The following CXADR variants were observed in gnomAD, a reference collection of about 807,000 sequenced individuals.
CXADR encodes the protein CXADR cell adhesion molecule.
In CXADR, 20 loss-of-function variants were observed where a neutral mutation model predicts 40.3. That is an observed-to-expected ratio of 0.50 (90% CI 0.35 to 0.72). The LOEUF (loss-of-function observed/expected upper bound fraction) is 0.72, where lower values mean the gene tolerates loss of function less well. CXADR is among the 30% of genes least tolerant of loss of function. The probability of loss-of-function intolerance (pLI) is 0.01; values close to 1 mark genes in which losing one functional copy is unlikely to be tolerated. For synonymous variants in CXADR, 150 were observed against 161.3 expected (o/e 0.93, Z 0.53); for missense variants, 332 against 449.1 (o/e 0.74, Z 2.36).
At chr21:17,513,557 T>C (rs2060420180) in intron 1 of CXADR, among the ~76,000 whole-genome samples, 1 of 152,240 alleles carries the variant, frequency 6.6e-6, no homozygotes, top group Admixed American at 6.5e-5. Context: ...TCTCCAGCGT[T>C]ACCCGATTTC....
chr21:17,601,266 T>G, the CXADR span, among the ~76,000 whole-genome samples: 2 of 152,224 alleles, frequency 1.3e-5, no homozygotes, highest in African/African-American at 4.8e-5. Context: ...GCAAGTCACT[T>G]AATTTCCCTA....
At chr21:17,561,272 C>A in intron 5 of CXADR, 66 bp from the exon 6 acceptor site, 3 of 895,626 alleles carry the variant, frequency 3.3e-6, no homozygotes, top group South Asian at 2.4e-5. Context: ...AAATGTATAG[C>A]CTACCTTCAG....
the CXADR span, among the ~76,000 whole-genome samples, chr21:17,629,438 G>A: frequency 6.6e-6 from 1 of 150,860 alleles, no homozygotes; most frequent in African/African-American, 2.4e-5. Flanking sequence ...GTTGGTATAT[G>A]CCTGTAGTCC....
chr21:17,619,196 A>G, the CXADR span, among the ~76,000 whole-genome samples: 1 of 152,104 alleles, frequency 6.6e-6, no homozygotes, highest in East Asian at 1.9e-4. Context: ...ACTTCAACTT[A>G]AAGTCACCAG....
the CXADR span, among the ~76,000 whole-genome samples, chr21:17,628,961 T>G: frequency 6.6e-6 from 1 of 152,194 alleles, no homozygotes; most frequent in Non-Finnish European, 1.5e-5. Context: ...ATTTAAATGT[T>G]GATCTCATCC....
Position 17,565,548 on chromosome 21 carries a change from T to C in CXADR, c.954T>C (p.Tyr318=). 6.2e-7 allele frequency: 1 copy of C among 1,613,906 alleles called. No homozygotes were observed. The highest frequency in any genetic ancestry group is 1.1e-5 in the South Asian group (1 of 91,078). ...SNMEGYSKTQ[Y]NQVPSEDFER... ...TGGAAGGATATTCCAAGACTCAGTA[T>C]AACCAAGTACCAAGTGAAGACTTTG... Residue 318 remains tyrosine, a synonymous_variant, in exon 7 of 7, where the codon TAT becomes TAC. Coordinates refer to ENST00000284878, the MANE Select transcript of CXADR (RefSeq NM_001338.5).
chr21:17,560,683 C>A lies in CXADR; in HGVS notation c.572-19C>A, dbSNP rs774473272. 12 of 1,607,126 alleles carry A rather than the reference C, an allele frequency of 7.5e-6. No homozygotes were observed. The highest frequency in any genetic ancestry group is 1.3e-5 in the African/African-American group (1 of 74,662). ...CATACTATAAAAATGAGTTTGTTTT[C>A]TTTTTCCTCCTTCCATAGAAATGAC... On this transcript the variant is annotated intron_variant, in intron 4 of 6. Transcript: ENST00000284878.
At chr21:17,551,282 C>T (rs990712190) in intron 2 of CXADR, among the ~76,000 whole-genome samples, 13 of 152,054 alleles carry the variant, frequency 8.5e-5, no homozygotes, top group South Asian at 6.2e-4. Flanking sequence ...TGCCTGAAGT[C>T]TCAGCTACTG....
the CXADR span, among the ~76,000 whole-genome samples, chr21:17,627,256 T>G: frequency 3.9e-5 from 6 of 152,142 alleles, no homozygotes; most frequent in African/African-American, 1.4e-4. Context: ...CTCAGGAGGC[T>G]GAGGCAAGAG....
chr21:17,529,998 G>T (rs1172527393), intron 1 of CXADR, among the ~76,000 whole-genome samples: 2 of 150,916 alleles, frequency 1.3e-5, no homozygotes, highest in Non-Finnish European at 2.9e-5. Flanking sequence ...GCTCATGCTG[G>T]AGTGTAGTGG....
At chr21:17,572,757 G>GA (rs10715827), downstream of CXADR, among the ~76,000 whole-genome samples, 7 of 145,928 alleles carry the variant, frequency 4.8e-5, no homozygotes, top group Admixed American at 2.7e-4. Flanking sequence ...TAGTGTGGTT[G>GA]AAAAAAAAAA....
chr21:17,610,164 G>T, the CXADR span, among the ~76,000 whole-genome samples: 3 of 152,214 alleles, frequency 2.0e-5, no homozygotes, highest in African/African-American at 4.8e-5. Context: ...GGCCTACGGG[G>T]AAGTGGGAAA....
intron 2 of CXADR, among the ~76,000 whole-genome samples, chr21:17,548,000 A>G (rs976418336): frequency 2.0e-5 from 3 of 152,194 alleles, no homozygotes; most frequent in East Asian, 1.9e-4. Flanking sequence ...TACCTTTTCA[A>G]TGGTTCTAGA....
chr21:17,542,123 T>TCGAACTCCCGACCTTAGGTGATCTGC, intron 1 of CXADR: 1 of 251,214 alleles, frequency 4.0e-6, no homozygotes. Flanking sequence ...TCTACTTTTC[T>TCGAACTCCCGACCTTAGGTGATCTGC]CTAAGGCTTT....
chr21:17,573,654 ATC>A (rs1332200227), downstream of CXADR, among the ~76,000 whole-genome samples: 2 of 152,206 alleles, frequency 1.3e-5, no homozygotes, highest in African/African-American at 4.8e-5. Flanking sequence ...CACACCTGTA[ATC>A]TCTGCACTTT....
Position 17,568,317 on chromosome 21 carries a change from A to G in CXADR, c.*2625A>G. On this transcript the variant is annotated 3_prime_UTR_variant, in exon 7 of 7. Coordinates refer to ENST00000284878, the MANE Select transcript of CXADR (RefSeq NM_001338.5). ...CTAAGTTTTTGTAATTTTAGTAGAG[A>G]CAGGGTTTCACCGTGTTAGCCAGGA... The G allele has an allele frequency of 2.5e-6, 2 of 797,584 alleles. No individual in the cohort carries two copies. The highest frequency in any genetic ancestry group is 3.0e-6 in the Non-Finnish European group (2 of 659,296). 49.4% of individuals were successfully genotyped at this position (797,584 alleles called of 1,614,324 possible).
chr21:17,544,894 AG>A (rs1460820227), intron 1 of CXADR, among the ~76,000 whole-genome samples: 7 of 152,180 alleles, frequency 4.6e-5, no homozygotes, highest in Non-Finnish European at 7.3e-5. Flanking sequence ...AAATTTTATT[AG>A]AACTGATAGT....
the CXADR span, among the ~76,000 whole-genome samples, chr21:17,601,513 G>C: frequency 2.0e-5 from 3 of 152,136 alleles, no homozygotes; most frequent in Non-Finnish European, 4.4e-5. Flanking sequence ...AACACAGCAA[G>C]ACCCTCTCTC....
Position 17,551,761 on chromosome 21 carries a change from T to C in CXADR, c.223T>C (p.Ser75Pro). ...GGCTTTCTTTTAGATTATTTTATAT[T>C]CTGGAGACAAAATTTATGATGACTA... ...QKVDQVIILYSGDKIYDDYYP... is the reference protein window; with the variant it reads ...QKVDQVIILYPGDKIYDDYYP... Residue 75 changes from serine to proline, a missense_variant, in exon 3 of 7, where the codon TCT becomes CCT. Coordinates refer to ENST00000284878, the MANE Select transcript of CXADR (RefSeq NM_001338.5). 1 of 1,611,486 alleles carries C rather than the reference T, an allele frequency of 6.2e-7. No individual in the cohort carries two copies. The highest frequency in any genetic ancestry group is 8.5e-7 in the Non-Finnish European group (1 of 1,178,296).
Sources: gnomAD v4.1 joint callset for allele counts (sites outside exome capture counted in the v4.1 genomes callset) on GRCh38, gnomAD v4.1.1 for gene constraint, MANE v1.5 for transcripts, NCBI Gene and HGNC (gene_info 2026-07-23, HGNC 2026-07-21) for gene names.